LIMCH1: variants seen among roughly 807,000 people sequenced by gnomAD.
LIMCH1 encodes the protein LIM and calponin homology domains 1.
Under a neutral mutation model 176.5 loss-of-function variants are expected in LIMCH1, and 113 were observed. That is an observed-to-expected ratio of 0.64 (90% confidence interval 0.55 to 0.75). The LOEUF is 0.75. Among genes scored for constraint, LIMCH1 ranks in the 30% least tolerant of loss-of-function variants. The pLI, the probability that LIMCH1 is intolerant of heterozygous loss-of-function variation, is 0.00. For missense variants in LIMCH1, 1,674 were observed against 1,814.9 expected, an observed-to-expected ratio of 0.92 and a Z score of 1.41; for synonymous variants, 619 against 645.9, an observed-to-expected ratio of 0.96 and a Z score of 0.63.
chr4:41,461,704 G>C (rs1463359821), intron 1 of LIMCH1, among the ~76,000 whole-genome samples: 3 of 152,204 alleles, frequency 2.0e-5, no homozygotes, highest in African/African-American at 2.4e-5. Flanking sequence ...GCAGTTTCCT[G>C]ATGGCTAGAA....
chr4:41,455,778 T>C (rs1030843302), intron 1 of LIMCH1, among the ~76,000 whole-genome samples: 1 of 152,252 alleles, frequency 6.6e-6, no homozygotes, highest in Non-Finnish European at 1.5e-5. Context: ...TTGTTACTGC[T>C]GTAGTTAGTC....
chr4:41,361,641 A>T (rs1308180309), intron 1 of LIMCH1, among the ~76,000 whole-genome samples: 1 of 152,040 alleles, frequency 6.6e-6, no homozygotes. Flanking sequence ...GGCATATTTC[A>T]CTTCTTAAAT....
chr4:41,360,836 C>A lies in LIMCH1; in HGVS notation c.-5C>A. The A allele has an allele frequency of 1.9e-6, 3 of 1,551,244 alleles. No homozygotes were observed. The highest frequency in any genetic ancestry group is 3.9e-5 in the Admixed American group (2 of 50,812). On this transcript the variant is annotated 5_prime_UTR_variant, in exon 1 of 27. Transcript: ENST00000313860. This position sits in a 1 kb window ranked among gnomAD's most constrained non-coding sequence, Gnocchi z 4.5. ...CGGCGCTTGAGAGGACGCGGGGCTG[C>A]GCAAATGGCTTGTCCCGCTCTCGGT... is the stretch of plus-strand genomic sequence containing the variant.
intron 1 of LIMCH1, among the ~76,000 whole-genome samples, chr4:41,581,112 GTCTATCTA>G (rs1554109824): frequency 9.0e-4 from 120 of 132,980 alleles, no homozygotes; most frequent in Non-Finnish European, 1.3e-3. Flanking sequence ...CTGTCTGTCT[GTCTATCTA>G]TCTATCTATC....
At chr4:41,642,737 CTTT>C (rs368906535) in intron 14 of LIMCH1, among the ~76,000 whole-genome samples, 34 of 136,402 alleles carry the variant, frequency 2.5e-4, no homozygotes, top group African/African-American at 7.1e-4. Flanking sequence ...TTTCTTTTTT[CTTT>C]TTTTTTTTTT....
At chr4:41,593,634 A>G (rs1360029764) in intron 1 of LIMCH1, among the ~76,000 whole-genome samples, 3 of 152,250 alleles carry the variant, frequency 2.0e-5, no homozygotes, top group Non-Finnish European at 4.4e-5. Context: ...GGTATGGTGA[A>G]TAAGCGAATA....
intron 1 of LIMCH1, among the ~76,000 whole-genome samples, chr4:41,458,044 G>A (rs1474456661): frequency 6.6e-6 from 1 of 152,128 alleles, no homozygotes; most frequent in Non-Finnish European, 1.5e-5. Flanking sequence ...TGGATTGTTT[G>A]TAACACAAAG....
Position 41,691,592 on chromosome 4 carries a change from CAAAAAA to C in LIMCH1, c.4276-673_4276-668del, listed in dbSNP as rs796984431. On this transcript the variant is annotated intron_variant, in intron 30 of 31. Coordinates refer to ENST00000503057, the MANE Select transcript of LIMCH1 (RefSeq NM_001330672.2). The stretch of plus-strand genomic sequence containing the variant: ...TGAAACTCCATCTTTACTAAAAATA[CAAAAAA>C]AAAAAAAAAAAAAAAATAGCCAGGC... Among the ~76,000 whole-genome samples the C allele has an allele frequency of 6.9e-3, 431 of 62,398 alleles. 3 individuals carry two copies. The highest frequency in any genetic ancestry group is 0.04 in the Middle Eastern group (4 of 100). The allele number at this position is 62,398 out of a possible 152,430, so 40.9% of individuals were successfully genotyped here. A position where few individuals can be genotyped will look rare whatever the true frequency, so the allele number is the denominator to read the frequency against.
At chr4:41,682,510 C>T in intron 26 of LIMCH1, 50 bp downstream of exon 26, 1 of 1,581,268 alleles carries the variant, frequency 6.3e-7, no homozygotes, top group Non-Finnish European at 8.6e-7. Context: ...CTGGGCTCTG[C>T]TCGTGCACGC....
At position 41,666,676 on chromosome 4, in the gene LIMCH1, A is replaced by G. The variant is rs764065980; in HGVS notation, c.3397+10A>G. On this transcript the variant is annotated intron_variant, in intron 21 of 31. Coordinates refer to ENST00000503057, the MANE Select transcript of LIMCH1 (RefSeq NM_001330672.2). ...AATCTCAATTCTCAAGGTAAAGAGG[A>G]CATGTTTTATTTTAGGTCTGCATGT... is the stretch of plus-strand genomic sequence containing the variant. 46 of 1,576,192 alleles carry G rather than the reference A, an allele frequency of 2.9e-5. No homozygotes were observed. Among genetic ancestry groups the G allele is most frequent in the Non-Finnish European group, 3.8e-5 (44 of 1,145,778 alleles).
At position 41,444,323 on chromosome 4, in the gene LIMCH1, C is replaced by T. The variant is rs938160033; in HGVS notation, c.97-50213C>T. 5.5e-3 allele frequency among the ~76,000 whole-genome samples: 577 copies of T among 104,262 alleles called. 7 individuals are homozygous for T. The highest frequency in any genetic ancestry group is 0.04 in the African/African-American group (464 of 11,570). 68.4% of individuals were successfully genotyped at this position (104,262 alleles called of 152,430 possible). On this transcript the variant is annotated intron_variant, in intron 1 of 26. Transcript: ENST00000313860. Reference sequence around the variant, plus strand: ...GTGTGTGTATATATATACACACACACACACACACACACACACACACACACA... The same window carrying T: ...GTGTGTGTATATATATACACACACATACACACACACACACACACACACACA...
intron 2 of LIMCH1, chr4:41,524,403 T>G: frequency 6.2e-7 from 1 of 1,613,170 alleles, no homozygotes; most frequent in Non-Finnish European, 8.5e-7. Flanking sequence ...GCCTTTTTCA[T>G]GACAGGTTGC....
At chr4:41,431,253 C>G (rs2061585160) in intron 1 of LIMCH1, among the ~76,000 whole-genome samples, 1 of 151,828 alleles carries the variant, frequency 6.6e-6, no homozygotes, top group Non-Finnish European at 1.5e-5. Context: ...GACATACCAC[C>G]TCCCCCTGCT....
intron 1 of LIMCH1, among the ~76,000 whole-genome samples, chr4:41,412,156 C>T (rs982886858): frequency 2.0e-5 from 3 of 151,974 alleles, no homozygotes; most frequent in Non-Finnish European, 4.4e-5. Context: ...ATCCTCACAG[C>T]GGGGCATTGG....
At chr4:41,609,807 A>T (rs1266471138) in intron 4 of LIMCH1, among the ~76,000 whole-genome samples, 2 of 152,232 alleles carry the variant, frequency 1.3e-5, no homozygotes, top group African/African-American at 4.8e-5. Flanking sequence ...CCAAGAAAGG[A>T]GAATGTAGAT....
chr4:41,655,606 A>C (rs753925393), intron 18 of LIMCH1, among the ~76,000 whole-genome samples: 4 of 152,206 alleles, frequency 2.6e-5, no homozygotes, highest in African/African-American at 4.8e-5. Context: ...AAAAACATAC[A>C]GATGTGGACA....
At chr4:41,578,866 T>C (rs1271203835) in intron 1 of LIMCH1, among the ~76,000 whole-genome samples, 2 of 152,022 alleles carry the variant, frequency 1.3e-5, no homozygotes, top group African/African-American at 4.8e-5. Flanking sequence ...CACACCTGGC[T>C]AATTTTTAAA....
chr4:41,458,875 T>C (rs574666861), intron 1 of LIMCH1, among the ~76,000 whole-genome samples: 1 of 152,098 alleles, frequency 6.6e-6, no homozygotes, highest in Non-Finnish European at 1.5e-5. Flanking sequence ...ACTGACAGTG[T>C]TTAAATAGTG....
chr4:41,361,143 G>T (rs202129264), intron 1 of LIMCH1, among the ~76,000 whole-genome samples: 1 of 152,168 alleles, frequency 6.6e-6, no homozygotes, highest in Non-Finnish European at 1.5e-5. Context: ...GGGCGTGAAA[G>T]GGGACACTGC....
Sources: gnomAD v4.1 joint callset for allele counts (sites outside exome capture counted in the v4.1 genomes callset) on GRCh38, gnomAD v4.1.1 for gene constraint, Gnocchi (gnomAD v3.1) non-coding constraint, MANE v1.5 for transcripts, NCBI Gene and HGNC (gene_info 2026-07-23, HGNC 2026-07-21) for gene names.